The following CDH10 variants were observed in gnomAD, a reference collection of about 807,000 sequenced individuals.
CDH10 encodes cadherin 10.
Under a neutral mutation model 73.1 loss-of-function variants are expected in CDH10, and 30 were observed. The observed-to-expected ratio is 0.41, with a 90% CI of 0.31 to 0.56. CDH10 has a LOEUF of 0.56. CDH10 is among the 20% of genes least tolerant of loss of function. The probability of loss-of-function intolerance (pLI) is 0.27; values close to 1 mark genes in which losing one functional copy is unlikely to be tolerated. For synonymous variants in CDH10, 345 were observed against 348.2 expected (o/e 0.99, Z 0.10); for missense variants, 815 against 973.7 (o/e 0.84, Z 2.17).
chr5:24,564,009 C>A (rs187133513), intron 2 of CDH10, among the ~76,000 whole-genome samples: 1 of 152,092 alleles, frequency 6.6e-6, no homozygotes, highest in Non-Finnish European at 1.5e-5. Flanking sequence ...ACTTGCTTTT[C>A]GGCCCAAGAA....
intron 2 of CDH10, among the ~76,000 whole-genome samples, chr5:24,590,660 T>C (rs1277258077): frequency 6.6e-6 from 1 of 152,048 alleles, no homozygotes; most frequent in Non-Finnish European, 1.5e-5. Context: ...ATTATAGGCA[T>C]CAATTCTTCC....
intron 5 of CDH10, among the ~76,000 whole-genome samples, chr5:24,534,330 C>T (rs1223087782): frequency 6.6e-6 from 1 of 151,804 alleles, no homozygotes; most frequent in Admixed American, 6.6e-5. Flanking sequence ...TTCTAATGAC[C>T]CTAATTTCTA....
At chr5:24,511,761 C>G (rs947271305) in intron 5 of CDH10, among the ~76,000 whole-genome samples, 1 of 152,086 alleles carries the variant, frequency 6.6e-6, no homozygotes, top group Non-Finnish European at 1.5e-5. Context: ...AGAAACAAAT[C>G]CTAACAGTAG....
At chr5:24,561,334 A>G (rs1235709842) in intron 2 of CDH10, among the ~76,000 whole-genome samples, 1 of 152,146 alleles carries the variant, frequency 6.6e-6, no homozygotes, top group African/African-American at 2.4e-5. Context: ...ATTTGAGTTT[A>G]TTTCATAATC....
chr5:24,540,116 T>C (rs938739820), intron 2 of CDH10, among the ~76,000 whole-genome samples: 3 of 151,944 alleles, frequency 2.0e-5, no homozygotes, highest in African/African-American at 7.2e-5. Flanking sequence ...GATCCAAACA[T>C]TTGTGAAATG....
chr5:24,577,476 G>A (rs1270065062), intron 2 of CDH10, among the ~76,000 whole-genome samples: 1 of 151,692 alleles, frequency 6.6e-6, no homozygotes, highest in Non-Finnish European at 1.5e-5. Flanking sequence ...TTCCTTGCCT[G>A]CATACATGCA....
intron 2 of CDH10, among the ~76,000 whole-genome samples, chr5:24,581,665 A>G (rs1745805335): frequency 6.6e-6 from 1 of 152,202 alleles, no homozygotes; most frequent in Admixed American, 6.5e-5. Flanking sequence ...AGAAAACAAT[A>G]GACATCCTGA....
chr5:24,577,063 C>T (rs187145108), intron 2 of CDH10, among the ~76,000 whole-genome samples: 3 of 97,264 alleles, frequency 3.1e-5, no homozygotes, highest in East Asian at 6.5e-4. Flanking sequence ...TACACCTCAA[C>T]GTCAAAGTTA....
Position 24,488,022 on chromosome 5 carries a change from A to C in CDH10, c.2008T>G (p.Phe670Val). 1 of 1,613,982 alleles carries C rather than the reference A, an allele frequency of 6.2e-7. No homozygotes were observed. The highest frequency in any genetic ancestry group is 8.5e-7 in the Non-Finnish European group (1 of 1,179,962). The part of the protein sequence containing the change: ...EGGGEEDTQA[F>V]DIGTLRNPAA... ...GGATTCCTCAGGGTGCCGATATCAAAGGCCTGGGTGTCCTCCTCTCCACCA... is the reference window on the plus strand; with the variant it reads ...GGATTCCTCAGGGTGCCGATATCAACGGCCTGGGTGTCCTCCTCTCCACCA... The change falls in exon 12 of 12, where the codon TTT becomes GTT. Residue 670 changes from phenylalanine (F) to valine (V), a missense_variant. Around this residue, in one of 3 missense-constraint regions of CDH10, gnomAD observed 241 missense variants for 240.3 expected, o/e 1.00. Coordinates refer to ENST00000264463, the MANE Select transcript of CDH10 (RefSeq NM_006727.5).
At chr5:24,534,297 G>A (rs146017144) in intron 5 of CDH10, among the ~76,000 whole-genome samples, 28 of 152,018 alleles carry the variant, frequency 1.8e-4, no homozygotes, top group Admixed American at 1.4e-3. Flanking sequence ...GGCTGTAGTC[G>A]AATATTTTTT....
intron 1 of CDH10, among the ~76,000 whole-genome samples, chr5:24,623,080 T>G (rs1459522429): frequency 6.6e-6 from 1 of 152,046 alleles, no homozygotes; most frequent in East Asian, 1.9e-4. Context: ...CCGCCAGAAA[T>G]GAGAATTATT....
In CDH10 at chr5:24,541,565, C is replaced by T. The variant is rs778679001; in HGVS notation, c.232-3891G>A. On this transcript the variant is annotated intron_variant, in intron 2 of 11. Coordinates refer to ENST00000264463, the MANE Select transcript of CDH10 (RefSeq NM_006727.5). Reference sequence around the variant, plus strand: ...GAGAAGTTGGGATCAATGGGTCACACGCCAAAAAACTTAAAGCATCTACTT... The same window carrying T: ...GAGAAGTTGGGATCAATGGGTCACATGCCAAAAAACTTAAAGCATCTACTT... 4.6e-5 allele frequency among the ~76,000 whole-genome samples: 7 copies of T among 152,088 alleles called. No homozygotes were observed. In the Middle Eastern group the frequency reaches 0.01, roughly 222 times the overall value.
chr5:24,583,768 C>T (rs1375287826), intron 2 of CDH10, among the ~76,000 whole-genome samples: 3 of 152,208 alleles, frequency 2.0e-5, no homozygotes, highest in Non-Finnish European at 4.4e-5. Flanking sequence ...CCTCAGCCTC[C>T]TGAATAGCTG....
intron 2 of CDH10, among the ~76,000 whole-genome samples, chr5:24,559,452 A>T (rs1744878707): frequency 6.6e-6 from 1 of 152,040 alleles, no homozygotes; most frequent in Non-Finnish European, 1.5e-5. Context: ...TTTATCTTAG[A>T]TTAATATCCA....
chr5:24,631,629 A>G (rs1747708719), intron 1 of CDH10, among the ~76,000 whole-genome samples: 1 of 151,836 alleles, frequency 6.6e-6, no homozygotes, highest in African/African-American at 2.4e-5. Flanking sequence ...ATGTTCCCTC[A>G]TCCACATTTT....
Position 24,594,635 on chromosome 5 carries a change from A to T in CDH10, c.-123-1022T>A, listed in dbSNP as rs542226881. On this transcript the variant is annotated intron_variant, in intron 1 of 11. Coordinates refer to ENST00000264463, the MANE Select transcript of CDH10 (RefSeq NM_006727.5). ...TGCTTCACCATGCAATACATTTTACATGCTCCCTTCCTTAACCAGCAACTT... is the reference window on the plus strand; with the variant it reads ...TGCTTCACCATGCAATACATTTTACTTGCTCCCTTCCTTAACCAGCAACTT... 8.6e-5 allele frequency among the ~76,000 whole-genome samples: 13 copies of T among 151,850 alleles called. 1 individual carries two copies. In the South Asian group the frequency reaches 1.2e-3, roughly 15 times the overall value.
In CDH10 at chr5:24,535,805, C is replaced by T. The variant is rs34600303; in HGVS notation, c.544G>A (p.Val182Ile). 39 of 1,609,582 alleles carry T rather than the reference C, an allele frequency of 2.4e-5. No individual in the cohort carries two copies. The African/African-American group carries it at 5.0e-4, about 20-fold the overall frequency. ...GGGTCATCGGCATCTGTAGCTGTGA[C>T]TTGCACCACAGAAGTACCTGAAGTA... ...MSVVGTSVVQVTATDADDPSY... is the reference protein window; with the variant it reads ...MSVVGTSVVQITATDADDPSY... The change falls in exon 4 of 12, where the codon GTC (valine) becomes ATC (isoleucine). Residue 182 changes from valine (V) to isoleucine (I), a missense_variant. Val to Ile is a conservative substitution (Grantham distance 29, BLOSUM62 3). This residue lies in a region of CDH10 where 516 missense variants were observed against 636.6 expected (regional missense o/e 0.81). Transcript: ENST00000264463.
In CDH10 at chr5:24,509,785, A is replaced by G. The variant is rs2111754243; in HGVS notation, c.1037T>C (p.Leu346Pro). Residue 346 changes from leucine (L) to proline (P), a missense_variant, in exon 7 of 12, where the codon CTG becomes CCG. Physicochemically the swap from Leu to Pro is moderately conservative, Grantham distance 98. Around this residue, in one of 3 missense-constraint regions of CDH10, gnomAD observed 516 missense variants for 636.6 expected, o/e 0.81. Coordinates refer to ENST00000264463, the MANE Select transcript of CDH10 (RefSeq NM_006727.5). ...ATGGGTGTTTTCTGCTTCGACTTTC[A>G]GAGTATAAAGTCTTCGGCTCTCATA... ...LDYESRRLYT[L>P]KVEAENTHVD... 6.2e-7 allele frequency: 1 copy of G among 1,612,032 alleles called. No individual in the cohort carries two copies. The highest frequency in any genetic ancestry group is 8.5e-7 in the Non-Finnish European group (1 of 1,178,218).
intron 7 of CDH10, among the ~76,000 whole-genome samples, chr5:24,508,988 A>C (rs1197408214): frequency 1.3e-5 from 2 of 152,134 alleles, no homozygotes; most frequent in African/African-American, 2.4e-5. Context: ...AGGTGTAACA[A>C]GCAAGGTTTC....
Sources: allele counts gnomAD v4.1 joint callset (sites outside exome capture counted in the v4.1 genomes callset), GRCh38; gene constraint gnomAD v4.1.1; regional missense constraint gnomAD v4.1.1; transcripts MANE v1.5; gene names NCBI Gene and HGNC (gene_info 2026-07-23, HGNC 2026-07-21).